The following TUT7 variants were observed in gnomAD, a reference collection of about 807,000 sequenced individuals.
TUT7 encodes the protein terminal uridylyltransferase 7.
A neutral mutation model predicts 165.9 loss-of-function variants in TUT7; 33 were observed. The ratio of observed to expected loss-of-function variants is 0.20; its 90% CI spans 0.15 to 0.27. The LOEUF is 0.27. TUT7 is among the 10% of genes least tolerant of loss of function. The probability of loss-of-function intolerance (pLI) is 1.00; values close to 1 mark genes in which losing one functional copy is unlikely to be tolerated. For synonymous variants in TUT7, 552 were observed against 608.1 expected (o/e 0.91, Z 1.36); for missense variants, 1,338 against 1,762.3 (o/e 0.76, Z 4.31).
Position 86,337,518 on chromosome 9 carries a change from A to C in TUT7, c.1356T>G (p.Pro452=). 2.5e-6 allele frequency: 4 copies of C among 1,613,046 alleles called. No homozygotes were observed. Among genetic ancestry groups the C allele is most frequent in the Non-Finnish European group, 2.5e-6 (3 of 1,179,632 alleles). ...CATAAGGTGGCAGACCTCCTTCTTC[A>C]GGGCGATCTATACTGCAAAGCTACA... ...YWAKLCSIDR[P]EEGGLPPYVF... is the part of the protein sequence containing the mutation. The change falls in exon 10 of 27, where the codon CCT becomes CCG. Residue 452 remains proline, a synonymous_variant. Transcript: ENST00000375963.
At chr9:86,334,733 TTTTTAAGGG>T (rs1225805273) in intron 10 of TUT7, among the ~76,000 whole-genome samples, 5 of 151,986 alleles carry the variant, frequency 3.3e-5, no homozygotes, top group Non-Finnish European at 7.3e-5. Flanking sequence ...CCCAGGGTTC[TTTTTAAGGG>T]TTTTAAGGGT....
chr9:86,343,966 AT>A (rs2131584712), intron 5 of TUT7, among the ~76,000 whole-genome samples: 1 of 152,356 alleles, frequency 6.6e-6, no homozygotes, highest in Non-Finnish European at 1.5e-5. Context: ...AACAAAGTAC[AT>A]TCATTTTTAC....
Position 86,352,666 on chromosome 9 carries a change from T to C in TUT7, c.520+14A>G, listed in dbSNP as rs61331373. The C allele has an allele frequency of 6.2e-6, 10 of 1,614,056 alleles. No homozygotes were observed. The highest frequency in any genetic ancestry group is 5.3e-5 in the African/African-American group (4 of 74,940). ...GACTCTGGGGTTGTGATCTGACAAG[T>C]TGGAAAACATTACCAGGACTTCCTG... On this transcript the variant is annotated intron_variant, in intron 2 of 26. Transcript: ENST00000375963.
Position 86,288,741 on chromosome 9 carries a change from C to G in TUT7, c.4424G>C (p.Ser1475Thr), listed in dbSNP as rs755936719. ...CTGAGTCATATATTTACTGGAAAGGCTACCTAGAGGAGGGGAAGAAACAAA... is the reference window on the plus strand; with the variant it reads ...CTGAGTCATATATTTACTGGAAAGGGTACCTAGAGGAGGGGAAGAAACAAA... ...ECPQFKGSSG[S>T]LSSKYMTQGK... Residue 1475 changes from serine (S) to threonine (T), a missense_variant, in exon 27 of 27, where the codon AGC (serine) becomes ACC (threonine). Coordinates refer to ENST00000375963, the MANE Select transcript of TUT7 (RefSeq NM_024617.4). 30 of 1,611,998 alleles carry G rather than the reference C, an allele frequency of 1.9e-5. No homozygotes were observed. Among genetic ancestry groups the G allele is most frequent in the Non-Finnish European group, 2.5e-5 (30 of 1,178,730 alleles).
At chr9:86,293,170 T>C (rs1826024755) in intron 26 of TUT7, among the ~76,000 whole-genome samples, 1 of 152,022 alleles carries the variant, frequency 6.6e-6, no homozygotes, top group Non-Finnish European at 1.5e-5. Context: ...AATAATAAAC[T>C]GGGCCGGGTG....
intron 2 of TUT7, among the ~76,000 whole-genome samples, chr9:86,348,505 C>T (rs949865977): frequency 6.6e-6 from 1 of 152,060 alleles, no homozygotes; most frequent in Non-Finnish European, 1.5e-5. Flanking sequence ...TAATTCCCAG[C>T]ACTTTGGGAG....
chr9:86,342,339 T>C (rs1000274866), intron 6 of TUT7, among the ~76,000 whole-genome samples: 7 of 152,080 alleles, frequency 4.6e-5, no homozygotes, highest in Non-Finnish European at 7.4e-5. Flanking sequence ...AAACACATCA[T>C]CTATAAACAG....
intron 26 of TUT7, among the ~76,000 whole-genome samples, chr9:86,294,586 TA>T (rs11436038): frequency 6.6e-6 from 1 of 150,506 alleles, no homozygotes; most frequent in African/African-American, 2.4e-5. Flanking sequence ...TTATCAACTA[TA>T]AAAAAAAATT....
At chr9:86,330,859 A>G (rs1326605328) in intron 10 of TUT7, among the ~76,000 whole-genome samples, 1 of 150,732 alleles carries the variant, frequency 6.6e-6, no homozygotes, top group African/African-American at 2.4e-5. Flanking sequence ...CAAATTTTAT[A>G]TATCTTGTAT....
chr9:86,353,792 G>A (rs1832508290), intron 1 of TUT7, among the ~76,000 whole-genome samples: 3 of 152,186 alleles, frequency 2.0e-5, no homozygotes, highest in African/African-American at 7.2e-5. Context: ...TTCCGACCAA[G>A]GTGCAGCTGT....
chr9:86,322,503 G>T (rs1284276607), intron 13 of TUT7, 28 bp from the exon 14 acceptor site: 2 of 1,582,476 alleles, frequency 1.3e-6, no homozygotes, highest in Admixed American at 1.9e-5. Context: ...AGCAAAACAA[G>T]ACTTAACACT....
At chr9:86,305,049 A>G (rs906522470) in intron 23 of TUT7, 102 bp from the exon 24 acceptor site, 43 of 1,184,458 alleles carry the variant, frequency 3.6e-5, no homozygotes, top group Non-Finnish European at 4.6e-5. Flanking sequence ...TTATTCTAGC[A>G]CTCTGGGAGG....
intron 10 of TUT7, among the ~76,000 whole-genome samples, chr9:86,330,880 CTT>C (rs1242427796): frequency 2.1e-5 from 3 of 142,906 alleles, no homozygotes; most frequent in Admixed American, 7.0e-5. Flanking sequence ...TTTTTTCTTT[CTT>C]TTTTTTTTTT....
At chr9:86,337,346 A>T in intron 10 of TUT7, 73 bp downstream of exon 10, 1 of 1,525,480 alleles carries the variant, frequency 6.6e-7, no homozygotes, top group Non-Finnish European at 8.9e-7. Flanking sequence ...TAGATTTTGA[A>T]ATTATGCAAA....
intron 10 of TUT7, among the ~76,000 whole-genome samples, chr9:86,334,400 C>T (rs888750649): frequency 6.6e-6 from 1 of 152,240 alleles, no homozygotes; most frequent in East Asian, 1.9e-4. Flanking sequence ...AATTTTTAAC[C>T]CTCAAGCTTG....
At chr9:86,340,912 C>A in intron 7 of TUT7, 90 bp downstream of exon 7, 1 of 975,852 alleles carries the variant, frequency 1.0e-6, no homozygotes. Context: ...ATTTTAAAAG[C>A]ATGCCTTGCT....
intron 18 of TUT7, 114 bp from the exon 19 acceptor site, chr9:86,310,131 C>A: frequency 1.2e-6 from 1 of 868,050 alleles, no homozygotes. Flanking sequence ...GTTGCCCAGG[C>A]TGGTCATGAA....
chr9:86,329,267 T>C (rs1205832659), intron 10 of TUT7, among the ~76,000 whole-genome samples: 2 of 152,134 alleles, frequency 1.3e-5, no homozygotes, highest in Non-Finnish European at 2.9e-5. Flanking sequence ...CTCATGCCTG[T>C]AATCCCAGCA....
At position 86,298,768 on chromosome 9, in the gene TUT7, T is replaced by C. The variant is rs1826599221; in HGVS notation, c.4420+2508A>G. On this transcript the variant is annotated intron_variant, in intron 26 of 26. Transcript: ENST00000375963. ...TTGTTTTTTTTAAAACCCACATACC[T>C]GACTGGGGACTCAAAAATATTGTTG... is the stretch of plus-strand genomic sequence containing the variant. The C allele has an allele frequency of 5.1e-6, 5 of 984,736 alleles. 1 individual carries two copies. In the South Asian group the frequency reaches 2.4e-4, roughly 46 times the overall value. 61.0% of individuals were successfully genotyped at this position (984,736 alleles called of 1,614,324 possible).
Sources: gnomAD v4.1 joint callset for allele counts (sites outside exome capture counted in the v4.1 genomes callset) on GRCh38, gnomAD v4.1.1 for gene constraint, MANE v1.5 for transcripts, NCBI Gene and HGNC (gene_info 2026-07-23, HGNC 2026-07-21) for gene names.